The following FBXO34 variants were observed in gnomAD, a reference collection of about 807,000 sequenced individuals.
The protein encoded by FBXO34 is F-box protein 34, also known as F-box only protein 34.
Under a neutral mutation model 24.5 loss-of-function variants are expected in FBXO34, and 12 were observed. That is an observed-to-expected ratio of 0.49 (90% CI 0.31 to 0.79). The LOEUF is 0.79. Among genes scored for constraint, FBXO34 ranks in the 30% least tolerant of loss-of-function variants. The pLI is 0.04. For synonymous variants in FBXO34, 320 were observed against 311.9 expected (o/e 1.03, Z -0.27); for missense variants, 823 against 857.7 (o/e 0.96, Z 0.51).
chr14:55,315,939 TA>T (rs1412143880), intron 1 of FBXO34, among the ~76,000 whole-genome samples: 1 of 152,178 alleles, frequency 6.6e-6, no homozygotes. Context: ...TTTTCTTCCT[TA>T]GTTTTCTCTT....
At chr14:55,374,289 C>T (rs1163088657), downstream of FBXO34, among the ~76,000 whole-genome samples, 1 of 152,092 alleles carries the variant, frequency 6.6e-6, no homozygotes, top group Non-Finnish European at 1.5e-5. Flanking sequence ...CAAAAGTGAT[C>T]ACAGTTCACT....
Position 55,350,527 on chromosome 14 carries a change from G to C in FBXO34, c.137G>C (p.Ser46Thr), listed in dbSNP as rs1388158219. 1.2e-6 allele frequency: 2 copies of C among 1,613,900 alleles called. No homozygotes were observed. The highest frequency in any genetic ancestry group is 4.5e-5 in the East Asian group (2 of 44,880). The part of the protein sequence containing the change: ...ETCKASHITS[S>T]VFPSASLGKA... ...TGCAAAGCTAGCCACATAACATCAA[G>C]TGTCTTTCCTTCAGCCTCTCTCGGT... Residue 46 changes from serine to threonine, a missense_variant, in exon 2 of 2, where the codon AGT becomes ACT. Physicochemically the swap from Ser to Thr is moderately conservative, Grantham distance 58 (BLOSUM62 1). Around this residue, in one of 2 missense-constraint regions of FBXO34, gnomAD observed 693 missense variants for 659.1 expected, o/e 1.05. Coordinates refer to ENST00000313833, the MANE Select transcript of FBXO34 (RefSeq NM_017943.4).
chr14:55,280,231 C>A (rs1465112852), intron 1 of FBXO34, among the ~76,000 whole-genome samples: 1 of 151,846 alleles, frequency 6.6e-6, no homozygotes, highest in Non-Finnish European at 1.5e-5. Context: ...AATGGGAGAA[C>A]CAGAAAAGTT....
intron 1 of FBXO34, among the ~76,000 whole-genome samples, chr14:55,300,767 C>G (rs1327914412): frequency 6.6e-6 from 1 of 152,152 alleles, no homozygotes; most frequent in African/African-American, 2.4e-5. Flanking sequence ...AAATTTAAAA[C>G]AGTTCAAAAG....
chr14:55,367,535 G>T, exon 3 of FBXO34: 1 of 152,192 alleles, frequency 6.6e-6, no homozygotes, highest in Admixed American at 6.5e-5. Context: ...CTGAAGTCAG[G>T]AGTTCAAGAC....
At chr14:55,292,591 G>C (rs940063726) in intron 1 of FBXO34, among the ~76,000 whole-genome samples, 74 of 152,218 alleles carry the variant, frequency 4.9e-4, no homozygotes, top group African/African-American at 1.8e-3. Flanking sequence ...TTAACTGTTA[G>C]ACTCAAGACC....
chr14:55,338,207 A>C (rs1883858354), intron 1 of FBXO34, among the ~76,000 whole-genome samples: 1 of 151,156 alleles, frequency 6.6e-6, no homozygotes, highest in Non-Finnish European at 1.5e-5. Context: ...GTGCCACCAC[A>C]CCCAGCTAAT....
the FBXO34 span, among the ~76,000 whole-genome samples, chr14:55,375,426 G>A: frequency 2.7e-5 from 4 of 150,290 alleles, no homozygotes; most frequent in African/African-American, 9.8e-5. Context: ...CAACTCAGGC[G>A]ACCCTCCCAC....
the FBXO34 span, chr14:55,395,084 CT>C: frequency 6.0e-6 from 3 of 503,540 alleles, no homozygotes; most frequent in East Asian, 5.7e-5. Flanking sequence ...TTTGTTTGCA[CT>C]TTTTTGTCTG....
intron 1 of FBXO34, among the ~76,000 whole-genome samples, chr14:55,340,981 A>G (rs28564500): frequency 4.6e-4 from 70 of 152,310 alleles, no homozygotes; most frequent in African/African-American, 1.6e-3. Context: ...ATTTTTAAAA[A>G]ATTTATGTTT....
the FBXO34 span, chr14:55,411,465 G>T: frequency 7.5e-4 from 650 of 870,202 alleles, 1 homozygote; most frequent in Non-Finnish European, 1.0e-3. Flanking sequence ...GTGCAGAGCA[G>T]CTAGCTACAC....
At chr14:55,314,336 G>A (rs41353849) in intron 1 of FBXO34, among the ~76,000 whole-genome samples, 7,210 of 152,230 alleles carry the variant, frequency 0.047, 206 homozygotes, top group African/African-American at 0.058. Context: ...AAGTGGAAAC[G>A]GTCTTAACAG....
chr14:55,398,083 GA>G, the FBXO34 span, among the ~76,000 whole-genome samples: 1 of 151,886 alleles, frequency 6.6e-6, no homozygotes, highest in African/African-American at 2.4e-5. Context: ...AAGCAGCTGG[GA>G]CTACAGGCGC....
intron 1 of FBXO34, among the ~76,000 whole-genome samples, chr14:55,318,898 T>A (rs918152344): frequency 6.6e-6 from 1 of 152,156 alleles, no homozygotes; most frequent in Non-Finnish European, 1.5e-5. Context: ...GATTGAGTCT[T>A]CCAGTCTTGT....
intron 1 of FBXO34, among the ~76,000 whole-genome samples, chr14:55,281,955 A>G (rs2139647955): frequency 7.6e-6 from 1 of 131,070 alleles, no homozygotes; most frequent in East Asian, 2.3e-4. Context: ...TTTGAAATGA[A>G]TTGTTTATTC....
rs1011742809 is a variant in FBXO34, at chr14:55,353,173, C to G, written c.*647C>G. ...CCTTTAGATGAGTGCTTTGGCCCCT[C>G]TGTGAATAGCACGATTAAAATCCAG... On this transcript the variant is annotated 3_prime_UTR_variant, in exon 2 of 2. Coordinates refer to ENST00000313833, the MANE Select transcript of FBXO34 (RefSeq NM_017943.4). The G allele has an allele frequency of 1.8e-5, 3 of 167,042 alleles. No individual in the cohort carries two copies. Among genetic ancestry groups the G allele is most frequent in the Non-Finnish European group, 4.4e-5 (3 of 68,166 alleles). The allele number at this position is 167,042 out of a possible 1,614,324, so 10.3% of individuals were successfully genotyped here. A position where few individuals can be genotyped will look rare whatever the true frequency, so the allele number is the denominator to read the frequency against.
At chr14:55,272,464 G>C (rs1881185148) in intron 1 of FBXO34, among the ~76,000 whole-genome samples, 1 of 150,090 alleles carries the variant, frequency 6.7e-6, no homozygotes. Flanking sequence ...TAGTTTGATA[G>C]TTTGCAATCA....
chr14:55,372,111 C>G (rs1235041181), downstream of FBXO34, among the ~76,000 whole-genome samples: 2 of 152,134 alleles, frequency 1.3e-5, no homozygotes, highest in African/African-American at 4.8e-5. Flanking sequence ...CCTCTGGTTA[C>G]TAAACCCTCA....
At chr14:55,408,072 T>A in the FBXO34 span, among the ~76,000 whole-genome samples, 1 of 152,186 alleles carries the variant, frequency 6.6e-6, no homozygotes. Flanking sequence ...CTAACCACTT[T>A]AAATGCATGC....
Sources: allele counts gnomAD v4.1 joint callset (sites outside exome capture counted in the v4.1 genomes callset), GRCh38; gene constraint gnomAD v4.1.1; regional missense constraint gnomAD v4.1.1; transcripts MANE v1.5; gene names NCBI Gene and HGNC (gene_info 2026-07-23, HGNC 2026-07-21).